CSMD1: variants seen among roughly 807,000 people sequenced by gnomAD.
CSMD1 encodes CUB and Sushi multiple domains 1, also known as CUB and sushi domain-containing protein 1.
In CSMD1, 213 loss-of-function variants were observed where a neutral mutation model predicts 417.5. The ratio of observed to expected loss-of-function variants is 0.51; its 90% CI spans 0.46 to 0.57. The LOEUF (loss-of-function observed/expected upper bound fraction) is 0.57, where lower values mean the gene tolerates loss of function less well. CSMD1 is among the 20% of genes least tolerant of loss of function. The pLI is 0.00. For synonymous variants in CSMD1, 2,862 were observed against 1,736.8 expected (o/e 1.65, Z -16.11); for missense variants, 6,923 against 4,529.7 (o/e 1.53, Z -15.17).
At chr8:4,852,424 G>C (rs1801532634) in intron 1 of CSMD1, among the ~76,000 whole-genome samples, 1 of 152,100 alleles carries the variant, frequency 6.6e-6, no homozygotes, top group African/African-American at 2.4e-5. Context: ...GTGATGCACT[G>C]TCTGCCCCTT....
At chr8:4,236,026 G>GTTTTTTTTTTTTTTTT (rs147378202) in intron 3 of CSMD1, among the ~76,000 whole-genome samples, 5 of 108,130 alleles carry the variant, frequency 4.6e-5, no homozygotes, top group African/African-American at 2.1e-4. Context: ...AATGGATATT[G>GTTTTTTTTTTTTTTTT]TTTTTTTTGT....
Position 4,760,844 on chromosome 8 carries a change from A to C in CSMD1, c.86-123286T>G, listed in dbSNP as rs140676418. Among the ~76,000 whole-genome samples the C allele has an allele frequency of 1.2e-4, 19 of 152,354 alleles. No individual in the cohort carries two copies. The East Asian group carries it at 3.7e-3, about 29-fold the overall frequency. On this transcript the variant is annotated intron_variant, in intron 1 of 69. Transcript: ENST00000635120. ...ATTAGGAAGGAATTCCCATAGAATA[A>C]TCATAATGCCTGTAATATACAACTC...
intron 50 of CSMD1, among the ~76,000 whole-genome samples, chr8:3,042,736 G>A (rs1811186379): frequency 6.6e-6 from 1 of 152,104 alleles, no homozygotes. Context: ...TTTAACTCGT[G>A]TAAAATGATT....
At chr8:4,898,654 A>C (rs1205126309) in intron 1 of CSMD1, among the ~76,000 whole-genome samples, 1 of 152,180 alleles carries the variant, frequency 6.6e-6, no homozygotes, top group African/African-American at 2.4e-5. Context: ...TTTTATGAAA[A>C]TTGTCAAATT....
At chr8:3,819,959 T>A (rs908315936) in intron 5 of CSMD1, among the ~76,000 whole-genome samples, 2 of 152,130 alleles carry the variant, frequency 1.3e-5, no homozygotes, top group African/African-American at 2.4e-5. Context: ...TAATTCATCG[T>A]TTCCCGAATT....
rs144773303 is a variant in CSMD1, at chr8:4,892,590, A to G, written c.85+101742T>C. ...TATATTTAAAAAATCATACAGAAAT[A>G]TATACAGAAAAAAGTAAAAGTAGTC... is the stretch of plus-strand genomic sequence containing the variant. On this transcript the variant is annotated intron_variant, in intron 1 of 69. Transcript: ENST00000635120. Among the ~76,000 whole-genome samples, 1,303 of 152,244 alleles carry G rather than the reference A, an allele frequency of 8.6e-3. 12 individuals carry two copies. The highest frequency in any genetic ancestry group is 0.037 in the South Asian group (177 of 4,828).
At chr8:4,907,328 A>C (rs1407647177) in intron 1 of CSMD1, among the ~76,000 whole-genome samples, 3 of 152,214 alleles carry the variant, frequency 2.0e-5, no homozygotes, top group African/African-American at 7.2e-5. Context: ...TCTCGCTATT[A>C]ACCTTCAGAC....
At chr8:4,747,068 C>G (rs1189394712) in intron 1 of CSMD1, among the ~76,000 whole-genome samples, 3 of 152,162 alleles carry the variant, frequency 2.0e-5, no homozygotes, top group African/African-American at 7.2e-5. Flanking sequence ...TCACCATCCT[C>G]TGGGGCTAGA....
intron 10 of CSMD1, among the ~76,000 whole-genome samples, chr8:3,516,052 C>T (rs996944144): frequency 1.3e-5 from 2 of 152,078 alleles, no homozygotes; most frequent in Non-Finnish European, 2.9e-5. Flanking sequence ...TATTAGAACT[C>T]CCTACTGTAG....
At chr8:3,525,400 T>C (rs1797712105) in intron 10 of CSMD1, among the ~76,000 whole-genome samples, 1 of 152,152 alleles carries the variant, frequency 6.6e-6, no homozygotes, top group Non-Finnish European at 1.5e-5. Flanking sequence ...TTCAAGGTAA[T>C]CATAGTAATA....
chr8:4,833,697 C>A (rs1421669673), intron 1 of CSMD1, among the ~76,000 whole-genome samples: 4 of 152,168 alleles, frequency 2.6e-5, no homozygotes, highest in Non-Finnish European at 5.9e-5. Flanking sequence ...GGATCAATAT[C>A]TAGTGGAAGG....
At chr8:4,360,532 C>G (rs190419535) in intron 3 of CSMD1, among the ~76,000 whole-genome samples, 27 of 152,290 alleles carry the variant, frequency 1.8e-4, no homozygotes, top group South Asian at 8.3e-4. Context: ...CTCTGTCGCC[C>G]AGGCTGGAGG....
chr8:4,334,707 AAAAT>A (rs1800069977), intron 3 of CSMD1, among the ~76,000 whole-genome samples: 1 of 152,140 alleles, frequency 6.6e-6, no homozygotes, highest in Non-Finnish European at 1.5e-5. Context: ...CTTACCATGA[AAAAT>A]AATTTTTATT....
Position 4,455,039 on chromosome 8 carries a change from CA to C in CSMD1, c.303-34975del, listed in dbSNP as rs548013301. On this transcript the variant is annotated intron_variant, in intron 2 of 69. Coordinates refer to ENST00000635120, the MANE Select transcript of CSMD1 (RefSeq NM_033225.6). The stretch of plus-strand genomic sequence containing the variant: ...CAGTGTGTCAGTCCGCTGTCATCAA[CA>C]CAATATCACCATGTTTAGGCTGGGA... Among the ~76,000 whole-genome samples the C allele has an allele frequency of 5.1e-3, 778 of 152,190 alleles. 1 individual carries two copies. The highest frequency in any genetic ancestry group is 0.018 in the African/African-American group (731 of 41,518).
chr8:3,758,102 T>A lies in CSMD1; in HGVS notation c.819-4060A>T, dbSNP rs1218766561. On this transcript the variant is annotated intron_variant, in intron 5 of 69. Coordinates refer to ENST00000635120, the MANE Select transcript of CSMD1 (RefSeq NM_033225.6). The stretch of plus-strand genomic sequence containing the variant: ...CCTCAGCCTCCTGAGTAGCTGGGAT[T>A]ACAGGCACCGGCCACCACACCTGGC... 2.0e-5 allele frequency among the ~76,000 whole-genome samples: 3 copies of A among 152,030 alleles called. No homozygotes were observed. In the East Asian group the frequency reaches 5.9e-4, roughly 30 times the overall value.
chr8:4,789,462 T>C (rs1313919711), intron 1 of CSMD1, among the ~76,000 whole-genome samples: 1 of 152,194 alleles, frequency 6.6e-6, no homozygotes, highest in African/African-American at 2.4e-5. Context: ...ATAACGCATT[T>C]AAACGCCTGG....
chr8:3,212,437 C>G (rs1797666258), intron 30 of CSMD1, among the ~76,000 whole-genome samples: 1 of 152,228 alleles, frequency 6.6e-6, no homozygotes, highest in East Asian at 1.9e-4. Flanking sequence ...AAACCTTCAC[C>G]TACCAGGCTC....
At chr8:3,668,896 C>A (rs545415864) in intron 7 of CSMD1, among the ~76,000 whole-genome samples, 4 of 152,166 alleles carry the variant, frequency 2.6e-5, no homozygotes, top group African/African-American at 9.7e-5. Context: ...GGTGGCAAAG[C>A]AACGCCTACA....
intron 3 of CSMD1, among the ~76,000 whole-genome samples, chr8:4,333,930 C>T (rs1800016264): frequency 6.6e-6 from 1 of 152,090 alleles, no homozygotes; most frequent in African/African-American, 2.4e-5. Context: ...CTCACTCTGT[C>T]ATCCAGACTG....
Sources: gnomAD v4.1 joint callset for allele counts (sites outside exome capture counted in the v4.1 genomes callset) on GRCh38, gnomAD v4.1.1 for gene constraint, MANE v1.5 for transcripts, NCBI Gene and HGNC (gene_info 2026-07-23, HGNC 2026-07-21) for gene names.